SLCO3A1: variants seen among roughly 807,000 people sequenced by gnomAD.
SLCO3A1 encodes the protein solute carrier organic anion transporter family member 3A1.
Under a neutral mutation model 63.1 loss-of-function variants are expected in SLCO3A1, and 27 were observed. The ratio of observed to expected loss-of-function variants is 0.43; its 90% CI spans 0.32 to 0.59. The LOEUF (loss-of-function observed/expected upper bound fraction) is 0.59. Ranked by LOEUF, SLCO3A1 falls within the 20% of genes least tolerant of loss-of-function variation. The probability of loss-of-function intolerance (pLI) is 0.09; values close to 1 mark genes in which losing one functional copy is unlikely to be tolerated. For synonymous variants in SLCO3A1, 473 were observed against 409.9 expected, an observed-to-expected ratio of 1.15 and a Z score of -1.86; for missense variants, 773 against 945.8, an observed-to-expected ratio of 0.82 and a Z score of 2.40.
intron 2 of SLCO3A1, among the ~76,000 whole-genome samples, chr15:91,977,526 T>G (rs1157251116): frequency 6.6e-6 from 1 of 152,136 alleles, no homozygotes; most frequent in East Asian, 1.9e-4. Flanking sequence ...ACCAAATATG[T>G]CATGTTCTCA....
intron 2 of SLCO3A1, among the ~76,000 whole-genome samples, chr15:91,980,870 T>C (rs2151436399): frequency 6.6e-6 from 1 of 152,322 alleles, no homozygotes; most frequent in Admixed American, 6.5e-5. Flanking sequence ...ACCGTGATGC[T>C]GAAGACGGAG....
At position 91,900,230 on chromosome 15, in the gene SLCO3A1, A is replaced by G. The variant is rs148718891; in HGVS notation, c.181-15763A>G. Among the ~76,000 whole-genome samples the G allele has an allele frequency of 6.6e-6, 1 of 152,352 alleles. No homozygotes were observed. Among genetic ancestry groups the G allele is most frequent in the African/African-American group, 2.4e-5 (1 of 41,588 alleles). On this transcript the variant is annotated intron_variant, in intron 1 of 9. Transcript: ENST00000318445. The surrounding 1 kb of genome is among the most constrained non-coding windows in gnomAD (Gnocchi z 4.3). ...TAAGAAGCTGTTCAACTGCTTTTCAAAGTGGCTATAACCATTTTATCTTTT... is the reference window on the plus strand; with the variant it reads ...TAAGAAGCTGTTCAACTGCTTTTCAGAGTGGCTATAACCATTTTATCTTTT...
In SLCO3A1 at chr15:92,151,034, TTCCTC is replaced by T; in HGVS notation, c.1753+21_1753+25del. ...TGTTGGGTATGTATTATCTCTTTAT[TTCCTC>T]AATAATGAATTGGATGCTTATTACT... On this transcript the variant is annotated intron_variant, in intron 9 of 9. Coordinates refer to ENST00000318445, the MANE Select transcript of SLCO3A1 (RefSeq NM_013272.4). 6.4e-7 allele frequency: 1 copy of T among 1,554,340 alleles called. No individual in the cohort carries two copies. Among genetic ancestry groups the T allele is most frequent in the Non-Finnish European group, 8.9e-7 (1 of 1,129,076 alleles).
chr15:92,097,362 C>A (rs556131559), intron 3 of SLCO3A1, among the ~76,000 whole-genome samples: 8 of 152,344 alleles, frequency 5.3e-5, no homozygotes, highest in African/African-American at 1.7e-4. Context: ...GAAACAGCAC[C>A]TTTTCTCAGT....
At chr15:92,090,634 A>G (rs2047461112) in intron 2 of SLCO3A1, among the ~76,000 whole-genome samples, 3 of 152,164 alleles carry the variant, frequency 2.0e-5, no homozygotes, top group African/African-American at 7.2e-5. Flanking sequence ...TTTCCCAGCA[A>G]GAACTCCTTC....
Position 91,941,085 on chromosome 15 carries a change from C to G in SLCO3A1, c.646+24627C>G, listed in dbSNP as rs1045683816. Among the ~76,000 whole-genome samples, 1 of 152,118 alleles carries G rather than the reference C, an allele frequency of 6.6e-6. No homozygotes were observed. The highest frequency in any genetic ancestry group is 1.5e-5 in the Non-Finnish European group (1 of 68,026). ...TTATGACCATTTTCTCTGACATTAA[C>G]GTGCAAGCCTCTGGCCGTGCAATTA... On this transcript the variant is annotated intron_variant, in intron 2 of 9. Coordinates refer to ENST00000318445, the MANE Select transcript of SLCO3A1 (RefSeq NM_013272.4). The surrounding 1 kb of genome is among the most constrained non-coding windows in gnomAD (Gnocchi z 4.4).
At chr15:91,970,753 T>A (rs1900829460) in intron 2 of SLCO3A1, among the ~76,000 whole-genome samples, 1 of 152,202 alleles carries the variant, frequency 6.6e-6, no homozygotes. Context: ...AGTGCCCATG[T>A]GAACATGAAG....
chr15:91,876,877 G>A (rs117319058), intron 1 of SLCO3A1, among the ~76,000 whole-genome samples: 215 of 152,328 alleles, frequency 1.4e-3, no homozygotes, highest in Non-Finnish European at 2.6e-3. Flanking sequence ...GGCCTTTTCT[G>A]TATTCACATT....
downstream of SLCO3A1, among the ~76,000 whole-genome samples, chr15:92,170,551 T>C (rs2048515769): frequency 6.6e-6 from 1 of 152,214 alleles, no homozygotes; most frequent in Non-Finnish European, 1.5e-5. Context: ...AAACCAGTGC[T>C]CTTTCCACTA....
intron 9 of SLCO3A1, chr15:92,155,092 C>T (rs536851216): frequency 6.6e-6 from 1 of 152,166 alleles, no homozygotes; most frequent in African/African-American, 2.4e-5. Context: ...GAGGAAGACA[C>T]TGAGCTGGAG....
At chr15:91,934,862 C>T (rs776348104) in intron 2 of SLCO3A1, among the ~76,000 whole-genome samples, 7 of 152,232 alleles carry the variant, frequency 4.6e-5, no homozygotes, top group Non-Finnish European at 1.5e-5. Context: ...CCCTTCCTAA[C>T]TAAGGCCCTG....
At chr15:91,914,424 T>C (rs1303051030) in intron 1 of SLCO3A1, among the ~76,000 whole-genome samples, 1 of 152,166 alleles carries the variant, frequency 6.6e-6, no homozygotes, top group African/African-American at 2.4e-5. Context: ...AAGGAAATAA[T>C]AACAGGGGTT....
chr15:91,946,086 G>A (rs750536861), intron 2 of SLCO3A1, among the ~76,000 whole-genome samples: 8 of 152,232 alleles, frequency 5.3e-5, no homozygotes, highest in Non-Finnish European at 1.2e-4. Context: ...GCACTAGTTT[G>A]TGGGCATGGA....
intron 2 of SLCO3A1, among the ~76,000 whole-genome samples, chr15:92,026,078 G>A (rs573822484): frequency 6.6e-6 from 1 of 152,196 alleles, no homozygotes; most frequent in African/African-American, 2.4e-5. Flanking sequence ...CTTTGGTGCA[G>A]TTCTTTACCC....
chr15:92,020,387 A>G (rs1392422495), intron 2 of SLCO3A1, among the ~76,000 whole-genome samples: 1 of 152,246 alleles, frequency 6.6e-6, no homozygotes, highest in African/African-American at 2.4e-5. Flanking sequence ...TTAATAGTCT[A>G]ATCTCAGCCA....
chr15:92,110,480 C>T (rs763222784), intron 4 of SLCO3A1, among the ~76,000 whole-genome samples: 1 of 152,128 alleles, frequency 6.6e-6, no homozygotes, highest in Non-Finnish European at 1.5e-5. Flanking sequence ...GTTCCCTCCA[C>T]GCCCACCTCA....
At chr15:91,970,948 C>G (rs1402874450) in intron 2 of SLCO3A1, among the ~76,000 whole-genome samples, 2 of 152,084 alleles carry the variant, frequency 1.3e-5, no homozygotes, top group Non-Finnish European at 2.9e-5. Context: ...TGTAGTCAGT[C>G]TTCATTATTT....
At chr15:92,027,660 C>A (rs1238654908) in intron 2 of SLCO3A1, among the ~76,000 whole-genome samples, 1 of 152,204 alleles carries the variant, frequency 6.6e-6, no homozygotes, top group Non-Finnish European at 1.5e-5. Context: ...TGTGGAGTGC[C>A]ACAAGACTGT....
chr15:91,853,759 A>G lies in SLCO3A1; in HGVS notation c.-150A>G, dbSNP rs989156112. The G allele has an allele frequency of 3.8e-5, 28 of 742,426 alleles. No homozygotes were observed. The highest frequency in any genetic ancestry group is 4.7e-5 in the Non-Finnish European group (28 of 596,244). The allele number at this position is 742,426 out of a possible 1,614,324, so 46.0% of individuals were successfully genotyped here. ...GAGGAGCTGTGCCTTCCACCTCTCCAGCCCCGGCAGGACGGGGGCGGCCGC... is the reference window on the plus strand; with the variant it reads ...GAGGAGCTGTGCCTTCCACCTCTCCGGCCCCGGCAGGACGGGGGCGGCCGC... On this transcript the variant is annotated 5_prime_UTR_variant, in exon 1 of 10. Coordinates refer to ENST00000318445, the MANE Select transcript of SLCO3A1 (RefSeq NM_013272.4).
Sources: gnomAD v4.1 joint callset for allele counts (sites outside exome capture counted in the v4.1 genomes callset) on GRCh38, gnomAD v4.1.1 for gene constraint, Gnocchi (gnomAD v3.1) non-coding constraint, MANE v1.5 for transcripts, NCBI Gene and HGNC (gene_info 2026-07-23, HGNC 2026-07-21) for gene names.